COPS8: variants seen among roughly 807,000 people sequenced by gnomAD.
The protein encoded by COPS8 is COP9 signalosome complex subunit 8.
COPS8 carries 11 observed loss-of-function variants against 31.5 expected under a neutral mutation model. The ratio of observed to expected loss-of-function variants is 0.35; its 90% CI spans 0.22 to 0.58. COPS8 has a LOEUF of 0.58. COPS8 is among the 20% of genes least tolerant of loss of function. COPS8 has a pLI of 0.83. For missense variants in COPS8, 215 were observed against 255.1 expected, an observed-to-expected ratio of 0.84 and a Z score of 1.07; for synonymous variants, 81 against 89.3, an observed-to-expected ratio of 0.91 and a Z score of 0.52.
At chr2:237,087,295 G>A (rs1696635731) in intron 2 of COPS8, 98 bp downstream of exon 2, 3 of 754,682 alleles carry the variant, frequency 4.0e-6, no homozygotes, top group Non-Finnish European at 4.4e-6. Flanking sequence ...TAGGCACAAC[G>A]AGCTACCTTT....
rs771082299 is a variant in COPS8 at position 237,085,999 on chromosome 2, G to C, written c.35G>C (p.Ser12Thr). ...PVAVMAESAF[S>T]FKKLLDQCEN... ...GCGGTGATGGCGGAAAGCGCCTTTA[G>C]TTTCAAAAAGTTGCTGGATCAGTGC... Residue 12 changes from serine to threonine, a missense_variant, in exon 1 of 8, where the codon AGT (serine) becomes ACT (threonine). Physicochemically the swap from Ser to Thr is moderately conservative, Grantham distance 58 (BLOSUM62 1). Transcript: ENST00000354371. 1.2e-6 allele frequency: 2 copies of C among 1,613,618 alleles called. No individual in the cohort carries two copies. The highest frequency in any genetic ancestry group is 2.2e-5 in the South Asian group (2 of 90,972).
chr2:237,088,029 C>G (rs1409539470), intron 2 of COPS8, among the ~76,000 whole-genome samples: 1 of 149,492 alleles, frequency 6.7e-6, no homozygotes, highest in African/African-American at 2.4e-5. Flanking sequence ...TTAAACTCTT[C>G]CAAAACCTTT....
Position 237,089,881 on chromosome 2 carries a change from G to A in COPS8, c.218G>A (p.Gly73Glu), listed in dbSNP as rs776741758. 5.6e-6 allele frequency: 9 copies of A among 1,612,530 alleles called. No homozygotes were observed. The East Asian group carries it at 1.3e-4, about 24-fold the overall frequency. Residue 73 changes from glycine (G) to glutamate (E), a missense_variant, in exon 4 of 8, where the codon GGA becomes GAA. By Grantham distance (98) the Gly-to-Glu change is moderately conservative (BLOSUM62 -2). Coordinates refer to ENST00000354371, the MANE Select transcript of COPS8 (RefSeq NM_006710.5). ...TTGCAGGCAAATTCTGAACTTGGGGGAATTTGGTCAGTAGGACAAAGAATC... is the reference window on the plus strand; with the variant it reads ...TTGCAGGCAAATTCTGAACTTGGGGAAATTTGGTCAGTAGGACAAAGAATC... ...AIKSANSELG[G>E]IWSVGQRIWQ...
chr2:237,094,250 A>G, intron 5 of COPS8, 53 bp downstream of exon 5: 1 of 1,529,842 alleles, frequency 6.5e-7, no homozygotes, highest in Non-Finnish European at 9.0e-7. Flanking sequence ...AGAAGTGTGA[A>G]TTGTAGGTTC....
At chr2:237,091,945 C>T (rs1194321450) in intron 4 of COPS8, among the ~76,000 whole-genome samples, 2 of 152,202 alleles carry the variant, frequency 1.3e-5, no homozygotes, top group African/African-American at 4.8e-5. Flanking sequence ...TCAGGTGCAA[C>T]AGGCATTGGC....
In COPS8 at chr2:237,098,735, C is replaced by A. The variant is rs1349218816; in HGVS notation, c.*993C>A. ...AGTTTCTGGAAATTTCACTCTCGAT[C>A]TTTCTGTGGACACAATCTATTTTGT... is the stretch of plus-strand genomic sequence containing the variant. On this transcript the variant is annotated 3_prime_UTR_variant, in exon 8 of 8. Transcript: ENST00000354371. 4.6e-5 allele frequency: 7 copies of A among 152,178 alleles called. No homozygotes were observed. The highest frequency in any genetic ancestry group is 3.9e-4 in the Admixed American group (6 of 15,272). The allele number at this position is 152,178 out of a possible 1,614,324, so 9.4% of individuals were successfully genotyped here.
intron 4 of COPS8, among the ~76,000 whole-genome samples, chr2:237,090,983 G>A (rs1016183008): frequency 2.0e-5 from 3 of 152,186 alleles, no homozygotes; most frequent in African/African-American, 4.8e-5. Flanking sequence ...TGAGGAATTA[G>A]CGTTATAGTG....
chr2:237,087,286 A>G, intron 2 of COPS8, 89 bp downstream of exon 2: 2 of 823,920 alleles, frequency 2.4e-6, no homozygotes, highest in East Asian at 5.0e-5. Context: ...CACTAAACAT[A>G]GGCACAACGA....
In COPS8 at chr2:237,085,982, G is replaced by A. The variant is rs1200856087; in HGVS notation, c.18G>A (p.Met6Ile). 2 of 1,612,168 alleles carry A rather than the reference G, an allele frequency of 1.2e-6. No homozygotes were observed. The highest frequency in any genetic ancestry group is 1.7e-6 in the Non-Finnish European group (2 of 1,178,892). Residue 6 changes from methionine to isoleucine, a missense_variant, in exon 1 of 8, where the codon ATG becomes ATA. Physicochemically the swap from Met to Ile is conservative, Grantham distance 10. Coordinates refer to ENST00000354371, the MANE Select transcript of COPS8 (RefSeq NM_006710.5). ...CCGCGAAGATGCCAGTGGCGGTGAT[G>A]GCGGAAAGCGCCTTTAGTTTCAAAA... MPVAV[M>I]AESAFSFKKL...
At chr2:237,092,916 T>C (rs1696731721) in intron 4 of COPS8, among the ~76,000 whole-genome samples, 2 of 152,036 alleles carry the variant, frequency 1.3e-5, no homozygotes, top group African/African-American at 4.8e-5. Flanking sequence ...AGATGCTAGG[T>C]GTTTGGGGGA....
rs896653342 is a variant in COPS8 at position 237,096,851 on chromosome 2, A to G, written c.532A>G (p.Lys178Glu). Reference sequence around the variant, plus strand: ...AGGGGCCCTGGATGTTTCCTTTAACAAGTTTATTCCCTTATCAGGTATGTA... The same window carrying G: ...AGGGGCCCTGGATGTTTCCTTTAACGAGTTTATTCCCTTATCAGGTATGTA... The part of the protein sequence containing the change: ...VAGALDVSFN[K>E]FIPLSEPAPV... Residue 178 changes from lysine (K) to glutamate (E), a missense_variant, in exon 7 of 8, where the codon AAG becomes GAG. By Grantham distance (56) the Lys-to-Glu change is moderately conservative. Transcript: ENST00000354371. The G allele has an allele frequency of 1.9e-6, 3 of 1,610,858 alleles. No homozygotes were observed. The highest frequency in any genetic ancestry group is 2.5e-6 in the Non-Finnish European group (3 of 1,178,222).
chr2:237,088,313 A>G (rs541386041), intron 2 of COPS8, among the ~76,000 whole-genome samples: 24 of 152,342 alleles, frequency 1.6e-4, no homozygotes, highest in African/African-American at 5.3e-4. Context: ...TGGGCCGTCT[A>G]TAAATCCTCG....
chr2:237,087,194 A>G lies in COPS8; in HGVS notation c.146A>G (p.Asp49Gly). The G allele has an allele frequency of 6.2e-7, 1 of 1,601,866 alleles. No homozygotes were observed. Among genetic ancestry groups the G allele is most frequent in the East Asian group, 2.2e-5 (1 of 44,598 alleles). ...CTAGCTTTATATTTGCTCCATAATG[A>G]CATGTAAGTATGTTTAACCTAAAGC... ...QLLALYLLHNDMNNARYLWKR... is the reference protein window; with the variant it reads ...QLLALYLLHNGMNNARYLWKR... Residue 49 changes from aspartate (D) to glycine (G), a missense_variant, in exon 2 of 8, where the codon GAC becomes GGC. Asp to Gly is a moderately conservative substitution (Grantham distance 94, BLOSUM62 -1). Coordinates refer to ENST00000354371, the MANE Select transcript of COPS8 (RefSeq NM_006710.5).
intron 2 of COPS8, 92 bp downstream of exon 2, chr2:237,087,289 C>A: frequency 1.3e-6 from 1 of 794,152 alleles, no homozygotes; most frequent in African/African-American, 1.7e-5. Context: ...TAAACATAGG[C>A]ACAACGAGCT....
Position 237,089,976 on chromosome 2 carries a change from A to G in COPS8, c.313A>G (p.Ile105Val). 1.2e-6 allele frequency: 2 copies of G among 1,613,972 alleles called. No homozygotes were observed. The highest frequency in any genetic ancestry group is 1.7e-6 in the Non-Finnish European group (2 of 1,179,930). Residue 105 changes from isoleucine to valine, a missense_variant, in exon 4 of 8, where the codon ATT (isoleucine) becomes GTT (valine). Physicochemically the swap from Ile to Val is conservative, Grantham distance 29 (BLOSUM62 3). Transcript: ENST00000354371. ...CCAGTGGTCTGAGACGGTCCAGCCA[A>G]TTATGGAAGCACTTAGAGGTAGTGT... ...AHQWSETVQP[I>V]MEALRDATRR...
intron 1 of COPS8, 64 bp downstream of exon 1, chr2:237,086,106 T>C: frequency 6.9e-7 from 1 of 1,454,304 alleles, no homozygotes; most frequent in Non-Finnish European, 9.5e-7. Context: ...GCGGCACCAG[T>C]TTCCAGGGTA....
At chr2:237,096,723 G>C (rs1040491561) in intron 6 of COPS8, 99 bp from the exon 7 acceptor site, 59 of 838,590 alleles carry the variant, frequency 7.0e-5, no homozygotes, top group Non-Finnish European at 1.0e-4. Flanking sequence ...AGAAATAAAT[G>C]GCCGTTAAAT....
chr2:237,090,590 G>A (rs73083560), intron 4 of COPS8, among the ~76,000 whole-genome samples: 4,132 of 152,186 alleles, frequency 0.027, 116 homozygotes, highest in Middle Eastern at 0.13. Flanking sequence ...GTCATGTACT[G>A]TTATTTCTTA....
At chr2:237,087,566 A>T (rs953998506) in intron 2 of COPS8, 1 of 254,568 alleles carries the variant, frequency 3.9e-6, no homozygotes, top group African/African-American at 2.3e-5. Context: ...ACAAACATGT[A>T]TGAGATTTTT....
Sources: gnomAD v4.1 joint callset for allele counts (sites outside exome capture counted in the v4.1 genomes callset) on GRCh38, gnomAD v4.1.1 for gene constraint, MANE v1.5 for transcripts, NCBI Gene and HGNC (gene_info 2026-07-23, HGNC 2026-07-21) for gene names.